The following NAALADL2 variants were observed in gnomAD, a reference collection of about 807,000 sequenced individuals.
The protein encoded by NAALADL2 is inactive N-acetylated-alpha-linked acidic dipeptidase-like protein 2.
NAALADL2 carries 76 observed loss-of-function variants against 87.2 expected under a neutral mutation model. That is an observed-to-expected ratio of 0.87 (90% confidence interval 0.72 to 1.05). NAALADL2 has a LOEUF of 1.05. Among genes scored for constraint, NAALADL2 ranks in the 50% least tolerant of loss-of-function variants. NAALADL2 has a pLI of 0.00. For synonymous variants in NAALADL2, 354 were observed against 331.0 expected (o/e 1.07, Z -0.75); for missense variants, 1,089 against 945.8 (o/e 1.15, Z -1.99).
intron 2 of NAALADL2, among the ~76,000 whole-genome samples, chr3:175,213,805 T>C (rs1742110724): frequency 6.6e-6 from 1 of 152,162 alleles, no homozygotes; most frequent in Non-Finnish European, 1.5e-5. Flanking sequence ...ATTTAGTTAG[T>C]AAGAGGCAGA....
At chr3:175,732,940 A>G (rs1018654347) in intron 11 of NAALADL2, among the ~76,000 whole-genome samples, 2 of 152,102 alleles carry the variant, frequency 1.3e-5, no homozygotes, top group Non-Finnish European at 2.9e-5. Context: ...ATTAGGAAAA[A>G]ATAGCTAATG....
chr3:174,871,663 C>T (rs1299476865), intron 1 of NAALADL2, among the ~76,000 whole-genome samples: 5 of 152,128 alleles, frequency 3.3e-5, no homozygotes, highest in African/African-American at 1.2e-4. Flanking sequence ...CTTTGGGAGG[C>T]CAAGGTGGGT....
intron 2 of NAALADL2, among the ~76,000 whole-genome samples, chr3:174,611,871 AG>A (rs138523852): frequency 0.011 from 1,637 of 151,752 alleles, 21 homozygotes; most frequent in Non-Finnish European, 0.018. Context: ...CTGGGATTAC[AG>A]GTGTGAGCCA....
intron 1 of NAALADL2, among the ~76,000 whole-genome samples, chr3:174,447,288 C>A (rs1258581688): frequency 2.6e-5 from 4 of 152,108 alleles, no homozygotes; most frequent in African/African-American, 4.8e-5. Context: ...ATAGGCCAGT[C>A]TGAATGATTT....
intron 2 of NAALADL2, among the ~76,000 whole-genome samples, chr3:175,199,866 T>TA (rs1739743130): frequency 3.1e-3 from 31 of 9,992 alleles, no homozygotes; most frequent in South Asian, 5.8e-3. Flanking sequence ...ATATATATAT[T>TA]TTTTTTTTTT....
rs564577944 is a variant in NAALADL2 at position 175,325,279 on chromosome 3, A to G, written c.1090+954A>G. Among the ~76,000 whole-genome samples the G allele has an allele frequency of 2.0e-5, 3 of 152,318 alleles. No individual in the cohort carries two copies. In the South Asian group the frequency reaches 6.2e-4, roughly 32 times the overall value. Reference sequence around the variant, plus strand: ...CCAAGAAGGAAGCAAATTGAATCACATATGAATTATAACTTATGAATTTTG... The same window carrying G: ...CCAAGAAGGAAGCAAATTGAATCACGTATGAATTATAACTTATGAATTTTG... On this transcript the variant is annotated intron_variant, in intron 5 of 13. Transcript: ENST00000454872.
At chr3:174,655,594 CTGTTA>C (rs1383034688) in intron 2 of NAALADL2, among the ~76,000 whole-genome samples, 1 of 151,962 alleles carries the variant, frequency 6.6e-6, no homozygotes, top group African/African-American at 2.4e-5. Context: ...TGAGTGTTAG[CTGTTA>C]TGTTTTAATA....
intron 11 of NAALADL2, among the ~76,000 whole-genome samples, chr3:175,644,181 T>C (rs1729662739): frequency 6.6e-6 from 1 of 152,186 alleles, no homozygotes; most frequent in Non-Finnish European, 1.5e-5. Flanking sequence ...TTATATACTC[T>C]GGCTATAAAT....
intron 3 of NAALADL2, among the ~76,000 whole-genome samples, chr3:175,251,871 A>G (rs1749131189): frequency 6.6e-6 from 1 of 152,166 alleles, no homozygotes; most frequent in South Asian, 2.1e-4. Flanking sequence ...AGACTTCTGT[A>G]ATTATTGATT....
intron 9 of NAALADL2, among the ~76,000 whole-genome samples, chr3:175,556,310 T>A (rs547831109): frequency 6.6e-6 from 1 of 152,334 alleles, no homozygotes; most frequent in South Asian, 2.1e-4. Flanking sequence ...TACTACCTGC[T>A]GTTTATGATT....
intron 11 of NAALADL2, among the ~76,000 whole-genome samples, chr3:175,666,054 A>T (rs1398179302): frequency 6.6e-6 from 1 of 152,202 alleles, no homozygotes; most frequent in East Asian, 1.9e-4. Context: ...AGAGATTAAG[A>T]AACTTATTCA....
chr3:174,647,255 G>A (rs138729818), intron 2 of NAALADL2, among the ~76,000 whole-genome samples: 8 of 152,264 alleles, frequency 5.3e-5, no homozygotes, highest in African/African-American at 1.9e-4. Context: ...GCTCAAGGTT[G>A]CATTGTTAGT....
chr3:174,968,470 G>A (rs1743167036), intron 1 of NAALADL2, among the ~76,000 whole-genome samples: 2 of 151,998 alleles, frequency 1.3e-5, no homozygotes, highest in African/African-American at 4.8e-5. Flanking sequence ...CTCGATACAG[G>A]TTTGAATGAC....
At chr3:174,495,707 T>A (rs1015192164) in intron 1 of NAALADL2, among the ~76,000 whole-genome samples, 1 of 152,050 alleles carries the variant, frequency 6.6e-6, no homozygotes, top group Non-Finnish European at 1.5e-5. Context: ...TGTCTTTTTC[T>A]GTTGCAGTTA....
At chr3:174,686,188 A>G in intron 2 of NAALADL2, among the ~76,000 whole-genome samples, 1 of 152,034 alleles carries the variant, frequency 6.6e-6, no homozygotes, top group East Asian at 1.9e-4. Flanking sequence ...TATACCCTTT[A>G]ATGGGATTGC....
intron 3 of NAALADL2, among the ~76,000 whole-genome samples, chr3:174,772,948 T>G (rs570257696): frequency 6.6e-6 from 1 of 152,318 alleles, no homozygotes; most frequent in African/African-American, 2.4e-5. Flanking sequence ...ATGCCATCAG[T>G]CCAGTTCTGA....
chr3:174,744,572 T>G (rs368983983), intron 3 of NAALADL2, among the ~76,000 whole-genome samples: 4 of 152,070 alleles, frequency 2.6e-5, no homozygotes, highest in East Asian at 1.9e-4. Flanking sequence ...TATTCAGAAC[T>G]TGAACTCAGC....
intron 3 of NAALADL2, among the ~76,000 whole-genome samples, chr3:174,807,261 C>T (rs1332215060): frequency 6.6e-6 from 1 of 151,884 alleles, no homozygotes; most frequent in Admixed American, 6.6e-5. Flanking sequence ...TTTTCAGCTT[C>T]TGCTTGTAGT....
intron 2 of NAALADL2, among the ~76,000 whole-genome samples, chr3:174,737,159 G>A (rs1208933829): frequency 1.3e-5 from 2 of 152,210 alleles, no homozygotes; most frequent in African/African-American, 2.4e-5. Context: ...CAGTGTCATG[G>A]CAGCAACCTC....
Sources: allele counts gnomAD v4.1 joint callset (sites outside exome capture counted in the v4.1 genomes callset), GRCh38; gene constraint gnomAD v4.1.1; transcripts MANE v1.5; gene names NCBI Gene and HGNC (gene_info 2026-07-23, HGNC 2026-07-21).